The following CHID1 variants were observed in gnomAD, a reference collection of about 807,000 sequenced individuals.
CHID1 encodes chitinase domain containing 1, also known as chitinase domain-containing protein 1.
A neutral mutation model predicts 55.4 loss-of-function variants in CHID1; 44 were observed. The observed-to-expected ratio is 0.79, with a 90% CI of 0.62 to 1.02. CHID1 has a LOEUF of 1.02. Among genes scored for constraint, CHID1 ranks in the 50% least tolerant of loss-of-function variants. CHID1 has a pLI of 0.00. For missense variants in CHID1, 491 were observed against 515.3 expected, an observed-to-expected ratio of 0.95 and a Z score of 0.46; for synonymous variants, 216 against 212.9, an observed-to-expected ratio of 1.01 and a Z score of -0.13.
chr11:883,384 G>T, intron 9 of CHID1, 81 bp from the exon 10 acceptor site: 1 of 1,390,048 alleles, frequency 7.2e-7, no homozygotes, highest in Admixed American at 2.0e-5. Flanking sequence ...CCACTGAGGG[G>T]TGCATCCTCC....
chr11:877,897 C>T (rs962877441), intron 10 of CHID1, among the ~76,000 whole-genome samples: 7 of 151,926 alleles, frequency 4.6e-5, no homozygotes, highest in African/African-American at 9.7e-5. Flanking sequence ...ATGAGGGCTC[C>T]GCCCTGGTGA....
intron 8 of CHID1, among the ~76,000 whole-genome samples, chr11:884,777 C>T (rs1304322770): frequency 5.3e-5 from 8 of 152,224 alleles, no homozygotes; most frequent in African/African-American, 9.6e-5. Context: ...GGCAGGTGGT[C>T]GGCTGCGGAC....
intron 8 of CHID1, among the ~76,000 whole-genome samples, chr11:884,921 T>C (rs1451028212): frequency 6.6e-6 from 1 of 152,144 alleles, no homozygotes; most frequent in Non-Finnish European, 1.5e-5. Flanking sequence ...TAGTGTCTCC[T>C]GGGGCAGCCT....
intron 10 of CHID1, among the ~76,000 whole-genome samples, chr11:880,528 T>A (rs895592706): frequency 3.3e-5 from 5 of 152,198 alleles, no homozygotes; most frequent in Admixed American, 2.0e-4. Context: ...ATGGCCCACC[T>A]GCCATCTGCC....
At chr11:914,484 G>A, upstream of CHID1, 1 of 1,274,482 alleles carries the variant, frequency 7.8e-7, no homozygotes, top group South Asian at 1.2e-5. Context: ...TGTTTCTGCT[G>A]CTGACTGGAT....
intron 3 of CHID1, 128 bp downstream of exon 3, chr11:902,834 C>T: frequency 1.2e-6 from 1 of 869,084 alleles, no homozygotes. Context: ...AGCCTCACAG[C>T]AGCAGCAGCT....
upstream of CHID1, chr11:910,929 C>T (rs1276548976): frequency 4.0e-6 from 3 of 743,106 alleles, no homozygotes; most frequent in Admixed American, 6.3e-5. Flanking sequence ...GGCAGGGCTG[C>T]CCGAAAGTCG....
At chr11:884,452 CCATGGAGGGG>C (rs1850247955) in intron 8 of CHID1, among the ~76,000 whole-genome samples, 2 of 152,106 alleles carry the variant, frequency 1.3e-5, no homozygotes, top group African/African-American at 4.8e-5. Context: ...CCAGGGCTGC[CCATGGAGGGG>C]CAAGGTCAGT....
intron 10 of CHID1, among the ~76,000 whole-genome samples, chr11:876,930 C>T (rs578083207): frequency 6.6e-6 from 1 of 152,290 alleles, no homozygotes; most frequent in Admixed American, 6.5e-5. Flanking sequence ...ATGGCCTGCT[C>T]CCCTCCAGTG....
intron 8 of CHID1, among the ~76,000 whole-genome samples, chr11:886,438 AACAGAGCAAG>A (rs1159880488): frequency 2.6e-5 from 4 of 152,122 alleles, no homozygotes; most frequent in Non-Finnish European, 2.9e-5. Flanking sequence ...CAGCCTGGGC[AACAGAGCAAG>A]ACAATTGATG....
intron 10 of CHID1, among the ~76,000 whole-genome samples, chr11:873,630 C>A (rs1205701934): frequency 6.6e-6 from 1 of 152,030 alleles, no homozygotes; most frequent in African/African-American, 2.4e-5. Context: ...TCAATGAACA[C>A]GGACAGCTCG....
At chr11:908,230 G>C (rs1455356038) in intron 1 of CHID1, 1 of 152,344 alleles carries the variant, frequency 6.6e-6, no homozygotes, top group Non-Finnish European at 1.5e-5. Flanking sequence ...AAGCACAGCA[G>C]CACCCAGTAC....
chr11:883,316 G>A lies in CHID1; in HGVS notation c.804-13C>T. 6.3e-7 allele frequency: 1 copy of A among 1,599,656 alleles called. No individual in the cohort carries two copies. On this transcript the variant is annotated splice_polypyrimidine_tract_variant and intron_variant, in intron 9 of 12. Transcript: ENST00000323578. ...ATTAGGGCCAGGCCTGCAGGGCAAG[G>A]GGTGAGCGAGTTTCAGCAACAGGGA... is the stretch of plus-strand genomic sequence containing the variant.
At chr11:885,147 C>G (rs1013583950) in intron 8 of CHID1, among the ~76,000 whole-genome samples, 2 of 152,214 alleles carry the variant, frequency 1.3e-5, no homozygotes, top group Non-Finnish European at 2.9e-5. Flanking sequence ...GCAGTGGGCC[C>G]TGATCTCCCT....
At chr11:882,946 G>A (rs947769456) in intron 10 of CHID1, 23 of 559,994 alleles carry the variant, frequency 4.1e-5, no homozygotes, top group Middle Eastern at 9.6e-4. Flanking sequence ...ATGTGTGGCC[G>A]TGTTATGGGT....
At chr11:913,778 A>G (rs1170429857), upstream of CHID1, among the ~76,000 whole-genome samples, 3 of 143,110 alleles carry the variant, frequency 2.1e-5, no homozygotes, top group Non-Finnish European at 4.6e-5. Context: ...GTTAAAAAAA[A>G]AAAAGGCCAG....
At position 867,945 on chromosome 11, in the gene CHID1, G is replaced by A. The variant is rs746133089; in HGVS notation, c.*1913C>T. ...GTTGTGTGGGGACCCTGGCCACAGG[G>A]ATGACGGTCAGTTCAGGTTGGGGCA... On this transcript the variant is annotated 3_prime_UTR_variant, in exon 13 of 13. Transcript: ENST00000323578. 1 of 152,144 alleles carries A rather than the reference G, an allele frequency of 6.6e-6. No individual in the cohort carries two copies. The highest frequency in any genetic ancestry group is 1.5e-5 in the Non-Finnish European group (1 of 68,026). 9.4% of individuals were successfully genotyped at this position (152,144 alleles called of 1,614,324 possible). A position where few individuals can be genotyped will look rare whatever the true frequency, so the allele number is the denominator to read the frequency against.
At chr11:911,283 T>A (rs2134402460), upstream of CHID1, 1 of 152,170 alleles carries the variant, frequency 6.6e-6, no homozygotes, top group Non-Finnish European at 1.5e-5. Flanking sequence ...CCCAGGCCGA[T>A]GGCGCCCACT....
chr11:897,414 G>A (rs1270985382), intron 7 of CHID1, among the ~76,000 whole-genome samples: 1 of 152,238 alleles, frequency 6.6e-6, no homozygotes, highest in Non-Finnish European at 1.5e-5. Flanking sequence ...CCCAGGATTA[G>A]TGAGAAGGCT....
Sources: gnomAD v4.1 joint callset for allele counts (sites outside exome capture counted in the v4.1 genomes callset) on GRCh38, gnomAD v4.1.1 for gene constraint, MANE v1.5 for transcripts, NCBI Gene and HGNC (gene_info 2026-07-23, HGNC 2026-07-21) for gene names.